Variants in CALN1 observed in about 807,000 individuals in gnomAD.
CALN1 encodes calneuron 1, also known as calcium-binding protein 8.
Under a neutral mutation model 30.6 loss-of-function variants are expected in CALN1, and 17 were observed. The ratio of observed to expected loss-of-function variants is 0.56; its 90% CI spans 0.38 to 0.83. The LOEUF (loss-of-function observed/expected upper bound fraction) is 0.83. Among genes scored for constraint, CALN1 ranks in the 40% least tolerant of loss-of-function variants. CALN1 has a pLI of 0.00. For missense variants in CALN1, 291 were observed against 354.9 expected (o/e 0.82, Z 1.45); for synonymous variants, 156 against 131.4 (o/e 1.19, Z -1.28).
At chr7:72,449,544 C>G (rs770657070), upstream of CALN1, among the ~76,000 whole-genome samples, 1 of 152,162 alleles carries the variant, frequency 6.6e-6, no homozygotes, top group Non-Finnish European at 1.5e-5. Context: ...CCACAGCCCT[C>G]ACCCCCACTG....
At chr7:71,961,778 G>A (rs1477794308) in intron 5 of CALN1, among the ~76,000 whole-genome samples, 1 of 152,110 alleles carries the variant, frequency 6.6e-6, no homozygotes, top group East Asian at 1.9e-4. Context: ...TTCAAGGGCA[G>A]CAGAAGAGAG....
chr7:72,280,190 T>C (rs1275897039), intron 2 of CALN1, among the ~76,000 whole-genome samples: 2 of 152,172 alleles, frequency 1.3e-5, no homozygotes, highest in African/African-American at 4.8e-5. Flanking sequence ...CACTTTCTGG[T>C]TTCTCTATTT....
chr7:72,039,495 C>T lies in CALN1; in HGVS notation c.389-15726G>A, dbSNP rs934110399. On this transcript the variant is annotated intron_variant, in intron 4 of 6. Transcript: ENST00000395275. ...GTAACTTTTAGATAATAAAAGATTCCGTGCAGGCTACTAATCACATTACAG... is the reference window on the plus strand; with the variant it reads ...GTAACTTTTAGATAATAAAAGATTCTGTGCAGGCTACTAATCACATTACAG... Among the ~76,000 whole-genome samples, 5 of 152,198 alleles carry T rather than the reference C, an allele frequency of 3.3e-5. No individual in the cohort carries two copies. In the East Asian group the frequency reaches 5.8e-4, roughly 18 times the overall value.
chr7:72,442,929 G>A (rs1424665172), intron 1 of CALN1, among the ~76,000 whole-genome samples: 1 of 152,024 alleles, frequency 6.6e-6, no homozygotes, highest in Non-Finnish European at 1.5e-5. Flanking sequence ...GTTAAGGGTT[G>A]CACTTATTTA....
intron 5 of CALN1, among the ~76,000 whole-genome samples, chr7:71,923,105 G>T (rs1795064918): frequency 6.6e-6 from 1 of 150,618 alleles, no homozygotes; most frequent in South Asian, 2.1e-4. Context: ...GGTAATTTTG[G>T]GTACTCAAAA....
intron 6 of CALN1, among the ~76,000 whole-genome samples, chr7:71,789,144 G>A (rs1793167176): frequency 6.6e-6 from 1 of 151,994 alleles, no homozygotes; most frequent in African/African-American, 2.4e-5. Flanking sequence ...GCCAGGTTTG[G>A]TGGCTCTCAT....
At chr7:72,207,178 C>T (rs996228628) in intron 3 of CALN1, among the ~76,000 whole-genome samples, 7 of 152,256 alleles carry the variant, frequency 4.6e-5, no homozygotes, top group East Asian at 1.9e-4. Context: ...TCTACATTTA[C>T]GCATCCTCCC....
chr7:71,782,794 G>C lies in CALN1; in HGVS notation c.*4981C>G, dbSNP rs1792788796. 1 of 152,194 alleles carries C rather than the reference G, an allele frequency of 6.6e-6. No homozygotes were observed. Among genetic ancestry groups the C allele is most frequent in the Non-Finnish European group, 1.5e-5 (1 of 68,042 alleles). 9.4% of individuals were successfully genotyped at this position (152,194 alleles called of 1,614,324 possible). On this transcript the variant is annotated 3_prime_UTR_variant, in exon 7 of 7. Coordinates refer to ENST00000395275, the MANE Select transcript of CALN1 (RefSeq NM_031468.4). ...GTTTTGCTCTGTTGCCCAGGCTGGA[G>C]TGCAGTGGCGCGATCTCAGCTCACT...
chr7:71,823,224 C>T (rs907183218), intron 5 of CALN1, among the ~76,000 whole-genome samples: 1 of 151,834 alleles, frequency 6.6e-6, no homozygotes, highest in Admixed American at 6.6e-5. Flanking sequence ...ACTCTGTGGC[C>T]CAGGCTGGAG....
chr7:71,936,131 A>G (rs1446256006), intron 5 of CALN1, among the ~76,000 whole-genome samples: 1 of 152,122 alleles, frequency 6.6e-6, no homozygotes, highest in Non-Finnish European at 1.5e-5. Flanking sequence ...GTTTCCAGAA[A>G]CCACAAGTTT....
intron 5 of CALN1, among the ~76,000 whole-genome samples, chr7:71,828,344 C>T (rs1789051903): frequency 6.6e-6 from 1 of 152,146 alleles, no homozygotes; most frequent in Admixed American, 6.5e-5. Flanking sequence ...AAGATATCCA[C>T]ATCCTAATCC....
At chr7:72,355,722 A>G (rs1222587570) in intron 2 of CALN1, among the ~76,000 whole-genome samples, 1 of 152,224 alleles carries the variant, frequency 6.6e-6, no homozygotes, top group East Asian at 1.9e-4. Flanking sequence ...ATGAAATTCT[A>G]GAACAGAAAA....
intron 4 of CALN1, among the ~76,000 whole-genome samples, chr7:72,044,599 C>CTTTTTTT (rs549079139): frequency 9.3e-5 from 9 of 96,692 alleles, no homozygotes; most frequent in East Asian, 3.3e-4. Flanking sequence ...CCGCTTAAAA[C>CTTTTTTT]TTTTTTTTTT....
chr7:72,494,690 C>G, the CALN1 span, among the ~76,000 whole-genome samples: 1 of 145,982 alleles, frequency 6.9e-6, no homozygotes, highest in Non-Finnish European at 1.5e-5. Flanking sequence ...GAGACCCCAT[C>G]TCTACAAAAA....
At chr7:72,065,758 A>C (rs1424209298) in intron 4 of CALN1, among the ~76,000 whole-genome samples, 2 of 151,978 alleles carry the variant, frequency 1.3e-5, no homozygotes, top group Non-Finnish European at 2.9e-5. Flanking sequence ...CCAGGCGTGG[A>C]GGCGGGTGCC....
chr7:72,445,105 C>A lies in CALN1; in HGVS notation c.-226+1937G>T, dbSNP rs867850206. Among the ~76,000 whole-genome samples the A allele has an allele frequency of 1.0e-3, 131 of 129,090 alleles. 1 individual carries two copies. Among genetic ancestry groups the A allele is most frequent in the Middle Eastern group, 8.4e-3 (2 of 238 alleles). 84.7% of individuals were successfully genotyped at this position (129,090 alleles called of 152,430 possible). A position where few individuals can be genotyped will look rare whatever the true frequency, so the allele number is the denominator to read the frequency against. ...ACACACACACACACACACACACACA[C>A]AACATTAAGTTGAAAAGAAAATTTG... On this transcript the variant is annotated intron_variant, in intron 1 of 6. Coordinates refer to the CALN1 transcript ENST00000395276.
intron 4 of CALN1, among the ~76,000 whole-genome samples, chr7:72,030,055 TAGATAGTAAC>T (rs1233040802): frequency 6.6e-6 from 1 of 152,164 alleles, no homozygotes; most frequent in Non-Finnish European, 1.5e-5. Context: ...TAACTCCAGA[TAGATAGTAAC>T]AGATAGTAAC....
intron 5 of CALN1, among the ~76,000 whole-genome samples, chr7:72,017,449 G>C (rs956826337): frequency 6.6e-6 from 1 of 152,138 alleles, no homozygotes; most frequent in African/African-American, 2.4e-5. Context: ...ATTGGGGAAC[G>C]AGTACCCTAT....
Position 72,024,219 on chromosome 7 carries a change from T to G in CALN1, c.389-450A>C, listed in dbSNP as rs117779146. Reference sequence around the variant, plus strand: ...TTGCTGTATCTTCCTCATTACTCAATGGCTAGTTCCCTTTTCAACCATGAA... The same window carrying G: ...TTGCTGTATCTTCCTCATTACTCAAGGGCTAGTTCCCTTTTCAACCATGAA... On this transcript the variant is annotated intron_variant, in intron 4 of 6. Transcript: ENST00000395275. 1.6e-4 allele frequency among the ~76,000 whole-genome samples: 25 copies of G among 152,312 alleles called. 1 individual carries two copies. In the East Asian group the frequency reaches 4.8e-3, roughly 29 times the overall value.
Sources: allele counts gnomAD v4.1 joint callset (sites outside exome capture counted in the v4.1 genomes callset), GRCh38; gene constraint gnomAD v4.1.1; transcripts MANE v1.5; gene names NCBI Gene and HGNC (gene_info 2026-07-23, HGNC 2026-07-21).